Variants in HELZ2 observed in about 807,000 individuals in gnomAD.
HELZ2 encodes 3'-5' exoribonuclease HELZ2.
In HELZ2, 143 loss-of-function variants were observed where a neutral mutation model predicts 208.8. That is an observed-to-expected ratio of 0.68 (90% CI 0.60 to 0.79). HELZ2 has a LOEUF of 0.79. HELZ2 is among the 30% of genes least tolerant of loss of function. HELZ2 has a pLI of 0.00. For missense variants in HELZ2, 3,690 were observed against 3,794.5 expected, an observed-to-expected ratio of 0.97 and a Z score of 0.72; for synonymous variants, 1,705 against 1,693.7, an observed-to-expected ratio of 1.01 and a Z score of -0.16.
exon 5 of HELZ2, chr20:63,568,785 G>A: frequency 6.2e-7 from 1 of 1,611,270 alleles, no homozygotes; most frequent in Non-Finnish European, 8.5e-7. Flanking sequence ...CGCCTCTCCA[G>A]CCGCACCTCG....
At chr20:63,563,921 G>A (rs2082918429) in exon 8 of HELZ2, 3 of 1,593,386 alleles carry the variant, frequency 1.9e-6, no homozygotes, top group African/African-American at 1.3e-5. Flanking sequence ...GTCGCGGCCT[G>A]CAGGAGCCAG....
exon 19 of HELZ2, chr20:63,559,335 G>C (rs201141635): frequency 1.2e-6 from 2 of 1,602,524 alleles, no homozygotes; most frequent in Non-Finnish European, 8.5e-7. Flanking sequence ...AGGAGGCTAC[G>C]CCAGAGGGGG....
intron 5 of HELZ2, chr20:63,568,073 A>G: frequency 1.8e-6 from 1 of 551,284 alleles, no homozygotes; most frequent in Non-Finnish European, 3.2e-6. Flanking sequence ...AAAACGAAAA[A>G]CAAGACTCAT....
chr20:63,572,280 G>A, exon 1 of HELZ2: 1 of 1,587,128 alleles, frequency 6.3e-7, no homozygotes, highest in Non-Finnish European at 8.6e-7. Flanking sequence ...TGGGCCCCAG[G>A]GGGCTGGCCA....
intron 3 of HELZ2, 27 bp downstream of exon 4, chr20:63,570,477 G>A (rs777387561): frequency 4.7e-5 from 74 of 1,590,576 alleles, no homozygotes; most frequent in Non-Finnish European, 5.6e-5. Context: ...GGCTCCCTCC[G>A]CCCAGTCGGA....
At chr20:63,567,837 C>T (rs917244626) in intron 5 of HELZ2, 5 of 1,164,404 alleles carry the variant, frequency 4.3e-6, no homozygotes, top group African/African-American at 3.1e-5. Flanking sequence ...GCGAGCCCAG[C>T]GGCTCCTCTG....
exon 1 of HELZ2, chr20:63,572,383 C>A: frequency 6.5e-7 from 1 of 1,528,708 alleles, no homozygotes; most frequent in Non-Finnish European, 8.8e-7. Context: ...CCCACACAGC[C>A]ATCTCCACGG....
exon 8 of HELZ2, chr20:63,564,539 G>A (rs755774347): frequency 6.3e-7 from 1 of 1,575,328 alleles, no homozygotes; most frequent in Non-Finnish European, 8.6e-7. Flanking sequence ...GAGGAACAGG[G>A]AGATGGCCAG....
exon 17 of HELZ2, chr20:63,560,239 T>G: frequency 6.4e-7 from 1 of 1,560,144 alleles, no homozygotes. Context: ...CTTGCTGATC[T>G]CAGAGGCCTG....
downstream of HELZ2, chr20:63,559,056 G>C (rs913640135): frequency 1.7e-6 from 1 of 596,452 alleles, no homozygotes. Flanking sequence ...AGATGCCCAG[G>C]AGGAGCAAGA....
upstream of HELZ2, chr20:63,572,637 A>G: frequency 2.1e-6 from 1 of 482,380 alleles, no homozygotes; most frequent in Non-Finnish European, 3.6e-6. Context: ...CAGAGGGAGC[A>G]AAGCAGCTCG....
At chr20:63,565,405 G>A (rs777817651) in exon 8 of HELZ2, 22 of 1,610,676 alleles carry the variant, frequency 1.4e-5, no homozygotes, top group East Asian at 4.5e-5. Flanking sequence ...ACGCCCGCTC[G>A]AAGGTCTCTG....
exon 5 of HELZ2, chr20:63,568,807 G>GTGT (rs751318869): frequency 6.2e-7 from 1 of 1,612,208 alleles, no homozygotes; most frequent in Non-Finnish European, 8.5e-7. Flanking sequence ...ACACCGTATT[G>GTGT]TCGGGTGCAG....
chr20:63,570,216 T>G, intron 3 of HELZ2: 1 of 541,704 alleles, frequency 1.8e-6, no homozygotes, highest in South Asian at 1.5e-5. Context: ...TGCCTCGGTC[T>G]CCCAAAGTGC....
chr20:63,563,346 C>T (rs1378683603), exon 8 of HELZ2: 2 of 1,538,390 alleles, frequency 1.3e-6, no homozygotes, highest in Admixed American at 2.0e-5. Context: ...TTCCACAGGG[C>T]CGTCTCCACG....
At chr20:63,562,460 T>C in intron 8 of HELZ2, 60 bp downstream of exon 9, 1 of 1,520,416 alleles carries the variant, frequency 6.6e-7, no homozygotes, top group East Asian at 2.4e-5. Flanking sequence ...TCCCCCCTCC[T>C]GCAAGTGAGG....
In HELZ2 at chr20:63,567,139, T is replaced by G. The variant is rs1406450238; in HGVS notation, c.2219A>C (p.His740Pro). Residue 740 changes from histidine (H) to proline (P), a missense_variant, in exon 6 of 19, where the codon CAC (histidine) becomes CCC (proline). Physicochemically the swap from His to Pro is moderately conservative, Grantham distance 77 (BLOSUM62 -2). Around this residue, in one of 3 missense-constraint regions of HELZ2, gnomAD observed 1,119 missense variants for 1,193.4 expected, o/e 0.94. Transcript: ENST00000467148. ...GGCGTCCGTGCAGCGGTAGTTCTCG[T>G]GGAAGACCAGGCGGCTCTGCCGCGC... The G allele has an allele frequency of 1.9e-6, 3 of 1,611,028 alleles. No homozygotes were observed. In the Admixed American group the frequency reaches 5.0e-5, roughly 27 times the overall value.
chr20:63,561,109 G>A, exon 14 of HELZ2: 1 of 1,612,698 alleles, frequency 6.2e-7, no homozygotes, highest in East Asian at 2.2e-5. Context: ...ACTGCACCAG[G>A]GGGATGAGGG....
chr20:63,569,807 C>T lies in HELZ2; in HGVS notation c.571-142G>A, dbSNP rs2083000652. The T allele has an allele frequency of 7.4e-6, 7 of 945,030 alleles. No individual in the cohort carries two copies. The East Asian group carries it at 1.6e-4, about 22-fold the overall frequency. The allele number at this position is 945,030 out of a possible 1,614,324, so 58.5% of individuals were successfully genotyped here. A position where few individuals can be genotyped will look rare whatever the true frequency, so the allele number is the denominator to read the frequency against. ...GATAGAACGCAAGCAGGCCACCCGGCCTCTGCCATCCTCAGTTTCTTCCTG... is the reference window on the plus strand; with the variant it reads ...GATAGAACGCAAGCAGGCCACCCGGTCTCTGCCATCCTCAGTTTCTTCCTG... On this transcript the variant is annotated intron_variant, in intron 3 of 18. Transcript: ENST00000467148.
Sources: allele counts gnomAD v4.1 joint callset, GRCh38; gene constraint gnomAD v4.1.1; regional missense constraint gnomAD v4.1.1; transcripts MANE v1.5; gene names NCBI Gene and HGNC (gene_info 2026-07-23, HGNC 2026-07-21).